TAS2R1: variants seen among roughly 807,000 people sequenced by gnomAD.
The protein encoded by TAS2R1 is taste 2 receptor member 1.
For missense variants in TAS2R1, 370 were observed against 353.4 expected, an observed-to-expected ratio of 1.05 and a Z score of -0.38; for synonymous variants, 141 against 134.2, an observed-to-expected ratio of 1.05 and a Z score of -0.35.
chr5:9,850,562 C>T, the TAS2R1 span, among the ~76,000 whole-genome samples: 1 of 152,206 alleles, frequency 6.6e-6, no homozygotes, highest in Non-Finnish European at 1.5e-5. Flanking sequence ...CCTGTTCAGG[C>T]ACTGTTGCCA....
the TAS2R1 span, among the ~76,000 whole-genome samples, chr5:9,865,824 A>G: frequency 2.0e-5 from 3 of 152,136 alleles, no homozygotes; most frequent in Admixed American, 1.3e-4. Flanking sequence ...GGCTCCTTTC[A>G]GGATCTCCTT....
intron 1 of TAS2R1, among the ~76,000 whole-genome samples, chr5:9,706,954 T>C (rs1374395973): frequency 6.6e-6 from 1 of 152,168 alleles, no homozygotes; most frequent in Non-Finnish European, 1.5e-5. Context: ...ATATTTTTCT[T>C]CCCTTTATTT....
upstream of TAS2R1, among the ~76,000 whole-genome samples, chr5:9,633,203 T>A (rs1169129411): frequency 1.3e-5 from 2 of 150,338 alleles, no homozygotes; most frequent in African/African-American, 2.5e-5. Flanking sequence ...TACTATTTTT[T>A]AAAAACGATT....
chr5:9,898,947 TCGTTGAAGA>T, the TAS2R1 span, among the ~76,000 whole-genome samples: 1 of 152,114 alleles, frequency 6.6e-6, no homozygotes, highest in African/African-American at 2.4e-5. Flanking sequence ...CAGATGGAGG[TCGTTGAAGA>T]CGGGAAGTGG....
the TAS2R1 span, among the ~76,000 whole-genome samples, chr5:9,837,652 T>C: frequency 6.6e-6 from 1 of 152,186 alleles, no homozygotes; most frequent in African/African-American, 2.4e-5. Flanking sequence ...TTGTTCTGCT[T>C]TCCTCCATTG....
At chr5:9,806,921 G>T in the TAS2R1 span, among the ~76,000 whole-genome samples, 26 of 152,144 alleles carry the variant, frequency 1.7e-4, no homozygotes, top group Middle Eastern at 3.4e-3. Context: ...AAACTAAAAA[G>T]CTTATGCACA....
At chr5:9,684,423 T>C (rs1741086024) in intron 1 of TAS2R1, among the ~76,000 whole-genome samples, 1 of 152,222 alleles carries the variant, frequency 6.6e-6, no homozygotes, top group Admixed American at 6.5e-5. Context: ...GCGAGGTAGA[T>C]GTTGGTTAAC....
At chr5:9,642,207 G>A (rs1002141210) in intron 2 of TAS2R1, among the ~76,000 whole-genome samples, 2 of 152,050 alleles carry the variant, frequency 1.3e-5, no homozygotes, top group African/African-American at 4.8e-5. Flanking sequence ...GCTTTCCGGC[G>A]GCACTTGGAC....
the TAS2R1 span, among the ~76,000 whole-genome samples, chr5:9,902,187 C>T: frequency 2.6e-5 from 4 of 152,116 alleles, no homozygotes; most frequent in South Asian, 8.4e-4. Context: ...TTACTAAAGA[C>T]CTGTGAGGTT....
the TAS2R1 span, among the ~76,000 whole-genome samples, chr5:9,863,923 T>C: frequency 1.3e-5 from 2 of 152,170 alleles, no homozygotes; most frequent in African/African-American, 4.8e-5. Context: ...ACTCAACTAA[T>C]GGCTAAGCAA....
chr5:9,634,500 G>C (rs1450553034), upstream of TAS2R1, among the ~76,000 whole-genome samples: 2 of 152,064 alleles, frequency 1.3e-5, no homozygotes, highest in African/African-American at 4.8e-5. Flanking sequence ...GTGGTATTTT[G>C]ATGGGAATTG....
the TAS2R1 span, among the ~76,000 whole-genome samples, chr5:9,839,248 C>T: frequency 3.9e-5 from 6 of 152,058 alleles, no homozygotes; most frequent in African/African-American, 9.7e-5. Flanking sequence ...AGCACAGACA[C>T]GGTAAAAGGA....
chr5:9,843,268 ACT>A, the TAS2R1 span, among the ~76,000 whole-genome samples: 9 of 152,064 alleles, frequency 5.9e-5, no homozygotes, highest in Non-Finnish European at 1.0e-4. Context: ...ATAAATATTT[ACT>A]CTGTCTTTTC....
the TAS2R1 span, among the ~76,000 whole-genome samples, chr5:9,868,060 T>C: frequency 3.6e-4 from 55 of 152,228 alleles, no homozygotes; most frequent in Non-Finnish European, 5.9e-4. Context: ...TAATAGGGTA[T>C]AGACCCCCTA....
the TAS2R1 span, among the ~76,000 whole-genome samples, chr5:9,789,376 C>T: frequency 1.3e-5 from 2 of 152,154 alleles, no homozygotes; most frequent in East Asian, 1.9e-4. Flanking sequence ...GCTGCCTTGA[C>T]GTGCGCAGAT....
At chr5:9,811,626 T>A in the TAS2R1 span, among the ~76,000 whole-genome samples, 1 of 152,160 alleles carries the variant, frequency 6.6e-6, no homozygotes, top group Non-Finnish European at 1.5e-5. Context: ...AACTCTGTCC[T>A]TTTTTCTTCT....
the TAS2R1 span, among the ~76,000 whole-genome samples, chr5:9,749,897 A>G: frequency 6.6e-6 from 1 of 152,180 alleles, no homozygotes; most frequent in East Asian, 1.9e-4. Flanking sequence ...CTCTGACTCA[A>G]CATGCATCCA....
At chr5:9,653,285 G>A (rs142668364) in intron 2 of TAS2R1, among the ~76,000 whole-genome samples, 3 of 152,268 alleles carry the variant, frequency 2.0e-5, no homozygotes, top group African/African-American at 7.2e-5. Flanking sequence ...CACCCACGTT[G>A]TAGCATACGT....
At chr5:9,767,151 C>T in the TAS2R1 span, among the ~76,000 whole-genome samples, 7 of 152,046 alleles carry the variant, frequency 4.6e-5, no homozygotes, top group Non-Finnish European at 8.8e-5. Context: ...CCTATCATTT[C>T]CTCCTCCAAA....
Sources: allele counts gnomAD v4.1 joint callset (sites outside exome capture counted in the v4.1 genomes callset), GRCh38; gene constraint gnomAD v4.1.1; transcripts MANE v1.5; gene names NCBI Gene and HGNC (gene_info 2026-07-23, HGNC 2026-07-21).